FSTL4: variants seen among roughly 807,000 people sequenced by gnomAD.
FSTL4 encodes the protein follistatin like 4, also known as follistatin-related protein 4.
Under a neutral mutation model 78.2 loss-of-function variants are expected in FSTL4, and 28 were observed. The ratio of observed to expected loss-of-function variants is 0.36; its 90% CI spans 0.27 to 0.49. The LOEUF is 0.49. Among genes scored for constraint, FSTL4 ranks in the 20% least tolerant of loss-of-function variants. FSTL4 has a pLI of 0.98. For synonymous variants in FSTL4, 422 were observed against 440.5 expected, an observed-to-expected ratio of 0.96 and a Z score of 0.53; for missense variants, 922 against 1,084.9, an observed-to-expected ratio of 0.85 and a Z score of 2.11.
chr5:133,562,835 C>T (rs1056702769), intron 3 of FSTL4, among the ~76,000 whole-genome samples: 5 of 152,150 alleles, frequency 3.3e-5, no homozygotes, highest in East Asian at 1.9e-4. Context: ...CTCAAGTGTT[C>T]GCTCATGGCT....
At chr5:133,722,270 C>A in the FSTL4 span, among the ~76,000 whole-genome samples, 1 of 152,104 alleles carries the variant, frequency 6.6e-6, no homozygotes, top group South Asian at 2.1e-4. Context: ...TCTAGCCATG[C>A]CTGATGATCT....
At chr5:133,372,214 T>G (rs1224729723) in intron 4 of FSTL4, among the ~76,000 whole-genome samples, 1 of 144,596 alleles carries the variant, frequency 6.9e-6, no homozygotes, top group Non-Finnish European at 1.5e-5. Flanking sequence ...GCAGGGGAAT[T>G]ATCTATCTAT....
intron 3 of FSTL4, among the ~76,000 whole-genome samples, chr5:133,541,938 A>G (rs1561463032): frequency 6.6e-6 from 1 of 151,776 alleles, no homozygotes; most frequent in Non-Finnish European, 1.5e-5. Context: ...ACACACACAC[A>G]CACACACACA....
At chr5:133,700,230 A>ACCACCACACCAAACCATCACACAAAG in the FSTL4 span, among the ~76,000 whole-genome samples, 3 of 149,612 alleles carry the variant, frequency 2.0e-5, no homozygotes, top group South Asian at 6.4e-4. Context: ...ACCACACCAA[A>ACCACCACACCAAACCATCACACAAAG]CCACCACACC....
At chr5:133,779,464 T>C in the FSTL4 span, among the ~76,000 whole-genome samples, 1 of 152,060 alleles carries the variant, frequency 6.6e-6, no homozygotes, top group East Asian at 1.9e-4. Flanking sequence ...CGGGCACCTG[T>C]AGTCCCAGCT....
At chr5:133,573,143 C>A (rs1760197384) in intron 2 of FSTL4, among the ~76,000 whole-genome samples, 1 of 151,934 alleles carries the variant, frequency 6.6e-6, no homozygotes, top group African/African-American at 2.4e-5. Flanking sequence ...ACTTGGGAGG[C>A]TGAGGCAGAA....
At chr5:133,605,956 A>G (rs1454116936) in intron 1 of FSTL4, among the ~76,000 whole-genome samples, 1 of 152,146 alleles carries the variant, frequency 6.6e-6, no homozygotes, top group Admixed American at 6.5e-5. Flanking sequence ...GAGGACTGTG[A>G]GGACTGCGGC....
intron 6 of FSTL4, among the ~76,000 whole-genome samples, chr5:133,299,449 C>T (rs1753481510): frequency 6.6e-6 from 1 of 152,210 alleles, no homozygotes; most frequent in African/African-American, 2.4e-5. Context: ...GGGCTGCCTT[C>T]AAATTCTAAC....
intron 3 of FSTL4, among the ~76,000 whole-genome samples, chr5:133,462,448 C>T (rs956121681): frequency 3.3e-5 from 5 of 152,348 alleles, no homozygotes; most frequent in African/African-American, 1.2e-4. Flanking sequence ...CATTAACACT[C>T]AACTCTGTGG....
chr5:133,652,814 C>T, the FSTL4 span, among the ~76,000 whole-genome samples: 3 of 152,174 alleles, frequency 2.0e-5, no homozygotes, highest in East Asian at 5.8e-4. Context: ...TGTAATCAAG[C>T]TATAGATGTA....
At chr5:133,594,059 C>T (rs1760691770) in intron 2 of FSTL4, among the ~76,000 whole-genome samples, 1 of 152,168 alleles carries the variant, frequency 6.6e-6, no homozygotes, top group Non-Finnish European at 1.5e-5. Flanking sequence ...CCCGATTGGC[C>T]AAGCCAGCCC....
chr5:133,828,630 T>G, the FSTL4 span, among the ~76,000 whole-genome samples: 12 of 152,224 alleles, frequency 7.9e-5, no homozygotes, highest in East Asian at 5.8e-4. Context: ...TCAGGCACTA[T>G]GGGCACCGTG....
At chr5:133,355,937 G>A (rs1754932725) in intron 4 of FSTL4, among the ~76,000 whole-genome samples, 1 of 152,166 alleles carries the variant, frequency 6.6e-6, no homozygotes, top group Non-Finnish European at 1.5e-5. Context: ...GAGGACCGAT[G>A]TCCAGGCATC....
At chr5:133,459,177 T>C (rs1343971098) in intron 3 of FSTL4, among the ~76,000 whole-genome samples, 1 of 152,156 alleles carries the variant, frequency 6.6e-6, no homozygotes, top group Non-Finnish European at 1.5e-5. Flanking sequence ...CCCATTTCCT[T>C]GGGCCTGAGA....
chr5:133,368,192 G>A (rs1489521757), intron 4 of FSTL4, among the ~76,000 whole-genome samples: 2 of 152,210 alleles, frequency 1.3e-5, no homozygotes, highest in Admixed American at 6.5e-5. Flanking sequence ...GGGAGGCCAC[G>A]GACCATGTGG....
intron 4 of FSTL4, among the ~76,000 whole-genome samples, chr5:133,372,773 T>C (rs985061257): frequency 3.3e-5 from 5 of 152,204 alleles, no homozygotes; most frequent in Non-Finnish European, 5.9e-5. Flanking sequence ...TGGCATTTTA[T>C]GGTGCGAACT....
chr5:133,775,153 G>T, the FSTL4 span, among the ~76,000 whole-genome samples: 1 of 152,162 alleles, frequency 6.6e-6, no homozygotes, highest in East Asian at 1.9e-4. Context: ...TTCTATAGAA[G>T]GTCCTGGCAA....
chr5:133,598,179 A>G (rs966618415), intron 2 of FSTL4, among the ~76,000 whole-genome samples: 2 of 152,000 alleles, frequency 1.3e-5, no homozygotes, highest in African/African-American at 4.8e-5. Flanking sequence ...AGCAAGAACT[A>G]AAAAAAGGCC....
chr5:133,822,741 G>T, the FSTL4 span, among the ~76,000 whole-genome samples: 1 of 152,184 alleles, frequency 6.6e-6, no homozygotes, highest in Non-Finnish European at 1.5e-5. Context: ...TCCTTCAGCA[G>T]ATATTAAACA....
Sources: allele counts gnomAD v4.1 joint callset (sites outside exome capture counted in the v4.1 genomes callset), GRCh38; gene constraint gnomAD v4.1.1; transcripts MANE v1.5; gene names NCBI Gene and HGNC (gene_info 2026-07-23, HGNC 2026-07-21).